The following KAZN variants were observed in gnomAD, a reference collection of about 807,000 sequenced individuals.
KAZN encodes the protein kazrin, periplakin interacting protein, also known as kazrin.
KAZN carries 40 observed loss-of-function variants against 87.4 expected under a neutral mutation model. The ratio of observed to expected loss-of-function variants is 0.46; its 90% CI spans 0.36 to 0.60. KAZN has a LOEUF of 0.60. KAZN is among the 20% of genes least tolerant of loss of function. The pLI is 0.00. For synonymous variants in KAZN, 466 were observed against 458.3 expected (o/e 1.02, Z -0.22); for missense variants, 898 against 1,073.9 (o/e 0.84, Z 2.29).
chr1:14,519,367 G>A (rs1365148539), intron 2 of KAZN, among the ~76,000 whole-genome samples: 1 of 152,146 alleles, frequency 6.6e-6, no homozygotes, highest in Non-Finnish European at 1.5e-5. Flanking sequence ...GGAAGAAGTT[G>A]CAGAAGAGAA....
At chr1:14,213,198 C>T (rs910216678) in intron 2 of KAZN, among the ~76,000 whole-genome samples, 1 of 152,028 alleles carries the variant, frequency 6.6e-6, no homozygotes, top group African/African-American at 2.4e-5. Flanking sequence ...CACTTGTATC[C>T]TTTTTCTTTT....
chr1:14,581,120 C>T (rs990502341), intron 2 of KAZN, among the ~76,000 whole-genome samples: 3 of 152,110 alleles, frequency 2.0e-5, no homozygotes, highest in East Asian at 3.9e-4. Context: ...ATATTTCCAG[C>T]TCAAACCCCT....
intron 2 of KAZN, among the ~76,000 whole-genome samples, chr1:14,316,637 A>T (rs892343394): frequency 7.9e-5 from 12 of 151,876 alleles, no homozygotes; most frequent in African/African-American, 2.7e-4. Context: ...GGAAATACTT[A>T]GTCATTGATT....
chr1:14,109,426 G>GCT (rs1644450352), intron 1 of KAZN, among the ~76,000 whole-genome samples: 2 of 152,092 alleles, frequency 1.3e-5, no homozygotes, highest in Admixed American at 6.5e-5. Context: ...ATATCTGATG[G>GCT]CTGTGTGTGT....
rs879376880 is a variant in KAZN, at chr1:15,096,407, A to G, written c.1547+1474A>G. Among the ~76,000 whole-genome samples the G allele has an allele frequency of 1.3e-5, 2 of 152,202 alleles. No homozygotes were observed. Among genetic ancestry groups the G allele is most frequent in the Non-Finnish European group, 2.9e-5 (2 of 68,030 alleles). ...CTTTGATTTTGAAGAGAAGAAATGC[A>G]TGGGGGGAGGACGTCCCCACCGTCC... On this transcript the variant is annotated intron_variant, in intron 10 of 14. Coordinates refer to ENST00000376030, the MANE Select transcript of KAZN (RefSeq NM_201628.3). The surrounding 1 kb of genome is among the most constrained non-coding windows in gnomAD (Gnocchi z 4.5).
intron 1 of KAZN, among the ~76,000 whole-genome samples, chr1:14,726,860 G>T (rs56821188): frequency 0.37 from 55,779 of 151,938 alleles, 11,040 homozygotes; most frequent in African/African-American, 0.51. Context: ...TCTCATGCAC[G>T]CTCAGCTTTG....
intron 1 of KAZN, among the ~76,000 whole-genome samples, chr1:14,142,059 G>T (rs1000911963): frequency 1.4e-5 from 2 of 145,410 alleles, no homozygotes; most frequent in Admixed American, 6.9e-5. Flanking sequence ...AAGCAAGGTT[G>T]TTCTCTTTGT....
chr1:13,928,376 C>T (rs1259593226), intron 1 of KAZN, among the ~76,000 whole-genome samples: 1 of 152,102 alleles, frequency 6.6e-6, no homozygotes, highest in Non-Finnish European at 1.5e-5. Context: ...TTGTTATATA[C>T]CTGGCACTCT....
intron 1 of KAZN, among the ~76,000 whole-genome samples, chr1:14,667,924 C>G (rs1639671393): frequency 6.6e-6 from 1 of 152,102 alleles, no homozygotes; most frequent in African/African-American, 2.4e-5. Context: ...AGATTCTCTA[C>G]ACTTAACACC....
In KAZN at chr1:14,598,819, GC is replaced by G; in HGVS notation, c.-178del. 7.3e-7 allele frequency: 1 copy of G among 1,375,586 alleles called. No homozygotes were observed. Among genetic ancestry groups the G allele is most frequent in the South Asian group, 1.9e-5 (1 of 53,194 alleles). The allele number at this position is 1,375,586 out of a possible 1,614,324, so 85.2% of individuals were successfully genotyped here. A position where few individuals can be genotyped will look rare whatever the true frequency, so the allele number is the denominator to read the frequency against. On this transcript the variant is annotated 5_prime_UTR_variant, in exon 1 of 15. Transcript: ENST00000376030. This position sits in a 1 kb window ranked among gnomAD's most constrained non-coding sequence, Gnocchi z 4.2. ...GCCACCGCCGCGGCTAGGGCTGGAG[GC>G]GCCGCTGTCATTCCTGTGCCGGAGG...
intron 1 of KAZN, among the ~76,000 whole-genome samples, chr1:14,939,195 C>T (rs1395497138): frequency 6.6e-6 from 1 of 152,124 alleles, no homozygotes; most frequent in Non-Finnish European, 1.5e-5. Context: ...TGGTCTTGAA[C>T]ACCTGACCTC....
At chr1:14,377,884 T>G (rs1661042258) in intron 2 of KAZN, among the ~76,000 whole-genome samples, 1 of 152,178 alleles carries the variant, frequency 6.6e-6, no homozygotes, top group Non-Finnish European at 1.5e-5. Context: ...TTGATGCCAG[T>G]AACATCGTCT....
intron 2 of KAZN, among the ~76,000 whole-genome samples, chr1:14,457,713 C>T (rs1047518793): frequency 1.6e-4 from 24 of 152,204 alleles, no homozygotes; most frequent in African/African-American, 5.3e-4. Context: ...AAGATTAGTT[C>T]GGCCCAGCTA....
intron 2 of KAZN, among the ~76,000 whole-genome samples, chr1:14,267,215 A>G (rs1382843439): frequency 1.3e-5 from 2 of 152,134 alleles, no homozygotes; most frequent in Admixed American, 6.5e-5. Context: ...AACTATTTAC[A>G]TAGAATTTAC....
chr1:14,805,338 G>A (rs1436122624), intron 1 of KAZN, among the ~76,000 whole-genome samples: 2 of 152,210 alleles, frequency 1.3e-5, no homozygotes. Context: ...CACAGCAGGG[G>A]AGAGGGGAGG....
chr1:14,323,561 C>T (rs79433453), intron 2 of KAZN, among the ~76,000 whole-genome samples: 20,472 of 152,114 alleles, frequency 0.13, 1,824 homozygotes, highest in Non-Finnish European at 0.2. Flanking sequence ...TGTGCCAAGA[C>T]CCACATCCAC....
chr1:14,289,968 TGAA>T (rs1653550526), intron 2 of KAZN, among the ~76,000 whole-genome samples: 1 of 152,222 alleles, frequency 6.6e-6, no homozygotes, highest in Non-Finnish European at 1.5e-5. Flanking sequence ...AATTCTGGAT[TGAA>T]AATTCTTTTC....
rs58803467 is a variant in KAZN at position 14,417,993 on chromosome 1, C to CAAAAAAAAAAAAA, written c.250-180951_250-180939dup. Reference sequence around the variant, plus strand: ...GCTGGGCGACAGAGTGAGACTGCCTCAAAAAAAAAAAAAAAAAAAAAAAAA... The same window carrying CAAAAAAAAAAAAA: ...GCTGGGCGACAGAGTGAGACTGCCTCAAAAAAAAAAAAAAAAAAAAAAAAAAAAAAAAAAAAAA... On this transcript the variant is annotated intron_variant, in intron 2 of 16. Coordinates refer to the KAZN transcript ENST00000636203. Among the ~76,000 whole-genome samples the CAAAAAAAAAAAAA allele has an allele frequency of 1.2e-4, 4 of 33,814 alleles. 2 individuals are homozygous for CAAAAAAAAAAAAA. The highest frequency in any genetic ancestry group is 2.2e-4 in the Non-Finnish European group (4 of 18,530). 22.2% of individuals were successfully genotyped at this position (33,814 alleles called of 152,430 possible).
chr1:14,584,674 TG>T (rs1373223978), intron 2 of KAZN, among the ~76,000 whole-genome samples: 2 of 152,232 alleles, frequency 1.3e-5, no homozygotes, highest in Admixed American at 6.5e-5. Context: ...ACAAAGTTTT[TG>T]CTCTTGTTGC....
Sources: allele counts gnomAD v4.1 joint callset (sites outside exome capture counted in the v4.1 genomes callset), GRCh38; gene constraint gnomAD v4.1.1; non-coding constraint Gnocchi (gnomAD v3.1); transcripts MANE v1.5; gene names NCBI Gene and HGNC (gene_info 2026-07-23, HGNC 2026-07-21).